Variants in CCDC178 observed in about 807,000 individuals in gnomAD.
The protein encoded by CCDC178 is coiled-coil domain-containing protein 178.
A neutral mutation model predicts 117.4 loss-of-function variants in CCDC178; 126 were observed. The observed-to-expected ratio is 1.07, with a 90% CI of 0.93 to 1.24. CCDC178 has a LOEUF of 1.24. Ranked by LOEUF, CCDC178 falls within the 50% of genes most tolerant of loss-of-function variation. The pLI, the probability that CCDC178 is intolerant of heterozygous loss-of-function variation, is 0.00. For missense variants in CCDC178, 1,030 were observed against 986.9 expected, an observed-to-expected ratio of 1.04 and a Z score of -0.59; for synonymous variants, 283 against 313.4, an observed-to-expected ratio of 0.90 and a Z score of 1.02.
rs570956634 is a variant in CCDC178 at position 33,142,371 on chromosome 18, T to C, written c.2239-49461A>G. ...CATGGCATTAGAAAGTGCTATTACT[T>C]CTTTTTTATGTCATTCTATGCCACT... On this transcript the variant is annotated intron_variant, in intron 20 of 22. Coordinates refer to ENST00000383096, the MANE Select transcript of CCDC178 (RefSeq NM_001105528.4). Among the ~76,000 whole-genome samples the C allele has an allele frequency of 1.6e-4, 24 of 152,338 alleles. 1 individual carries two copies. The South Asian group carries it at 3.5e-3, about 22-fold the overall frequency.
chr18:33,120,006 A>C (rs2057914942), intron 20 of CCDC178, among the ~76,000 whole-genome samples: 2 of 150,380 alleles, frequency 1.3e-5, no homozygotes, highest in Non-Finnish European at 3.0e-5. Context: ...GGACACAGGA[A>C]GGGGAACATC....
intron 2 of CCDC178, among the ~76,000 whole-genome samples, chr18:33,437,365 T>C (rs943577359): frequency 6.6e-6 from 1 of 152,212 alleles, no homozygotes; most frequent in Non-Finnish European, 1.5e-5. Context: ...CTATAACTTG[T>C]TGGTTGTGTT....
chr18:32,942,392 T>A (rs2054258448), intron 22 of CCDC178, among the ~76,000 whole-genome samples: 1 of 152,104 alleles, frequency 6.6e-6, no homozygotes, highest in Admixed American at 6.5e-5. Context: ...TCACTGTAAA[T>A]CTTCTTTTAC....
intron 21 of CCDC178, among the ~76,000 whole-genome samples, chr18:33,020,286 T>C (rs2056087068): frequency 6.6e-6 from 1 of 152,044 alleles, no homozygotes; most frequent in South Asian, 2.1e-4. Flanking sequence ...AACTCTATCA[T>C]TCTCCCTGAA....
At chr18:33,035,812 C>T (rs1247205780) in intron 21 of CCDC178, among the ~76,000 whole-genome samples, 1 of 151,642 alleles carries the variant, frequency 6.6e-6, no homozygotes, top group East Asian at 1.9e-4. Context: ...CTTTATTTGT[C>T]AATTAAATAT....
At chr18:33,148,699 T>TA in intron 20 of CCDC178, among the ~76,000 whole-genome samples, 1 of 152,196 alleles carries the variant, frequency 6.6e-6, no homozygotes, top group Admixed American at 6.5e-5. Flanking sequence ...GATATGCAGA[T>TA]ACCTTGTCTT....
At position 33,324,618 on chromosome 18, in the gene CCDC178, T is replaced by C. The variant is rs931110382; in HGVS notation, c.880-985A>G. ...TTTTTCCTAATAATATTATTTAAATTGACAGGCCAAAAGGTTATTGTGTAC... is the reference window on the plus strand; with the variant it reads ...TTTTTCCTAATAATATTATTTAAATCGACAGGCCAAAAGGTTATTGTGTAC... On this transcript the variant is annotated intron_variant, in intron 10 of 22. Coordinates refer to ENST00000383096, the MANE Select transcript of CCDC178 (RefSeq NM_001105528.4). Among the ~76,000 whole-genome samples the C allele has an allele frequency of 6.2e-5, 9 of 145,838 alleles. No individual in the cohort carries two copies. In the East Asian group the frequency reaches 9.7e-4, roughly 16 times the overall value.
intron 14 of CCDC178, among the ~76,000 whole-genome samples, chr18:33,252,868 T>C (rs1206519415): frequency 4.0e-5 from 6 of 151,768 alleles, no homozygotes; most frequent in Non-Finnish European, 5.9e-5. Context: ...ACACTAGAAA[T>C]AGATATTTAG....
intron 21 of CCDC178, among the ~76,000 whole-genome samples, chr18:33,011,850 A>AGACTG (rs1568216410): frequency 6.9e-6 from 1 of 145,858 alleles, no homozygotes; most frequent in African/African-American, 2.5e-5. Context: ...ATTGCAGACT[A>AGACTG]CAGTTTCCCT....
chr18:32,994,452 T>C (rs1281729675), intron 21 of CCDC178, among the ~76,000 whole-genome samples: 3 of 152,170 alleles, frequency 2.0e-5, no homozygotes, highest in Non-Finnish European at 4.4e-5. Context: ...TTAATCTCCT[T>C]CTCTGGGCAA....
At chr18:33,103,028 T>C (rs917783530) in intron 20 of CCDC178, among the ~76,000 whole-genome samples, 9 of 151,900 alleles carry the variant, frequency 5.9e-5, no homozygotes, top group African/African-American at 1.9e-4. Context: ...ACCCCTACTA[T>C]AGAGTCTTAA....
chr18:33,141,504 C>T (rs2058204607), intron 20 of CCDC178, among the ~76,000 whole-genome samples: 1 of 152,186 alleles, frequency 6.6e-6, no homozygotes, highest in South Asian at 2.1e-4. Context: ...AACTGAATTT[C>T]TGAAAGAACA....
At chr18:33,434,566 G>C (rs1341820991) in intron 2 of CCDC178, among the ~76,000 whole-genome samples, 1 of 152,096 alleles carries the variant, frequency 6.6e-6, no homozygotes, top group African/African-American at 2.4e-5. Context: ...GAACTGTCTA[G>C]AGCCAGAGGT....
In CCDC178 at chr18:33,346,294, C is replaced by A. The variant is rs374969214; in HGVS notation, c.575G>T (p.Arg192Ile). The change falls in exon 9 of 23, where the codon AGA becomes ATA. Residue 192 changes from arginine to isoleucine, a missense_variant. Arg to Ile is a moderately conservative substitution (Grantham distance 97, BLOSUM62 -3). Coordinates refer to ENST00000383096, the MANE Select transcript of CCDC178 (RefSeq NM_001105528.4). Reference protein sequence around the residue: ...ADAEEALKQQRSRKNMINMKI... With the variant: ...ADAEEALKQQISRKNMINMKI... ...CATGTTAATCATATTCTTTCTTGAT[C>A]TCTGTTGTTTTAAAGCTTCTTCAGC... 18 of 1,613,728 alleles carry A rather than the reference C, an allele frequency of 1.1e-5. No homozygotes were observed. Among genetic ancestry groups the A allele is most frequent in the Non-Finnish European group, 1.4e-5 (17 of 1,179,848 alleles).
intron 21 of CCDC178, among the ~76,000 whole-genome samples, chr18:33,052,795 A>T (rs902271326): frequency 2.6e-5 from 4 of 152,280 alleles, no homozygotes; most frequent in Admixed American, 2.0e-4. Flanking sequence ...GATTTAAAAA[A>T]ATTTTTTTTA....
chr18:33,226,279 C>A (rs1233845853), intron 16 of CCDC178, among the ~76,000 whole-genome samples: 1 of 152,080 alleles, frequency 6.6e-6, no homozygotes, highest in Non-Finnish European at 1.5e-5. Flanking sequence ...AAAGGGGAGG[C>A]ATTCTAGAAA....
chr18:33,137,150 G>A (rs2144279042), intron 20 of CCDC178, among the ~76,000 whole-genome samples: 1 of 152,230 alleles, frequency 6.6e-6, no homozygotes, highest in East Asian at 1.9e-4. Flanking sequence ...CCACTCCAAT[G>A]CAAACAAATG....
At chr18:33,249,893 T>A (rs1353457625) in intron 14 of CCDC178, among the ~76,000 whole-genome samples, 1 of 152,006 alleles carries the variant, frequency 6.6e-6, no homozygotes, top group Admixed American at 6.6e-5. Flanking sequence ...ATTCTTCCTA[T>A]CCATGAGCAT....
At chr18:33,294,139 G>A (rs1453438859) in intron 11 of CCDC178, among the ~76,000 whole-genome samples, 49 of 152,132 alleles carry the variant, frequency 3.2e-4, no homozygotes, top group Non-Finnish European at 1.5e-5. Flanking sequence ...CCTCCCAAGA[G>A]GACCAATGCT....
Sources: gnomAD v4.1 joint callset for allele counts (sites outside exome capture counted in the v4.1 genomes callset) on GRCh38, gnomAD v4.1.1 for gene constraint, MANE v1.5 for transcripts, NCBI Gene and HGNC (gene_info 2026-07-23, HGNC 2026-07-21) for gene names.